The following CGGBP1 variants were observed in gnomAD, a reference collection of about 807,000 sequenced individuals.
CGGBP1 encodes the protein CGG triplet repeat-binding protein 1.
CGGBP1 carries 4 observed loss-of-function variants against 11.4 expected under a neutral mutation model. The observed-to-expected ratio is 0.35, with a 90% CI of 0.17 to 0.80. CGGBP1 has a LOEUF of 0.80. Ranked by LOEUF, CGGBP1 falls within the 30% of genes least tolerant of loss-of-function variation. CGGBP1 has a pLI of 0.52. For synonymous variants in CGGBP1, 76 were observed against 74.1 expected, an observed-to-expected ratio of 1.03 and a Z score of -0.13; for missense variants, 135 against 202.1, an observed-to-expected ratio of 0.67 and a Z score of 2.01.
intron 2 of CGGBP1, among the ~76,000 whole-genome samples, chr3:88,118,596 G>A (rs1190374535): frequency 1.3e-5 from 2 of 152,132 alleles, no homozygotes; most frequent in South Asian, 2.1e-4. Context: ...CTTCTCTAGA[G>A]TACTTGGAAT....
intron 2 of CGGBP1, among the ~76,000 whole-genome samples, chr3:88,098,053 G>A (rs1704172144): frequency 6.6e-6 from 1 of 152,096 alleles, no homozygotes; most frequent in African/African-American, 2.4e-5. Context: ...CTGGGTTTTT[G>A]AAACGATCAA....
intron 2 of CGGBP1, among the ~76,000 whole-genome samples, chr3:88,094,861 T>A (rs944687866): frequency 2.6e-4 from 39 of 152,026 alleles, no homozygotes; most frequent in Admixed American, 6.6e-4. Context: ...TACTGGCAGC[T>A]TTTACTGTGG....
intron 2 of CGGBP1, among the ~76,000 whole-genome samples, chr3:88,094,318 T>C (rs1703928324): frequency 6.6e-6 from 1 of 152,150 alleles, no homozygotes; most frequent in Non-Finnish European, 1.5e-5. Flanking sequence ...TAGCATCTTT[T>C]CCCCGGTAAT....
chr3:88,059,117 A>G, upstream of CGGBP1: 4 of 984,096 alleles, frequency 4.1e-6, no homozygotes, highest in Non-Finnish European at 5.8e-6. Flanking sequence ...GGCGGGCATG[A>G]ACATGATTGG....
chr3:88,130,638 T>G (rs1706401111), intron 2 of CGGBP1, among the ~76,000 whole-genome samples: 1 of 143,902 alleles, frequency 6.9e-6, no homozygotes, highest in African/African-American at 2.6e-5. Flanking sequence ...TTTTTTTTGG[T>G]AGAGATGGGG....
intron 2 of CGGBP1, among the ~76,000 whole-genome samples, chr3:88,116,559 T>TACACACACACACACACACACAC (rs140401038): frequency 3.1e-4 from 46 of 146,650 alleles, no homozygotes; most frequent in African/African-American, 1.1e-3. Flanking sequence ...CATACATATA[T>TACACACACACACACACACACAC]ATACACACAC....
intron 2 of CGGBP1, among the ~76,000 whole-genome samples, chr3:88,108,779 A>G (rs552414348): frequency 6.6e-6 from 1 of 152,272 alleles, no homozygotes. Flanking sequence ...TATATGCCAA[A>G]GAAAAGCTGT....
At position 88,112,442 on chromosome 3, in the gene CGGBP1, GTTCCT is replaced by G. The variant is rs1359251306; in HGVS notation, c.-229+28523_-229+28527del. The stretch of plus-strand genomic sequence containing the variant: ...TGCTCATGATTAGGAAATCATTCAT[GTTCCT>G]TTCTTTATGAATCATAAATTATTAA... On this transcript the variant is annotated intron_variant, in intron 2 of 3. Transcript: ENST00000462901. Among the ~76,000 whole-genome samples the G allele has an allele frequency of 4.6e-5, 7 of 151,894 alleles. No homozygotes were observed. The East Asian group carries it at 1.4e-3, about 29-fold the overall frequency.
intron 2 of CGGBP1, among the ~76,000 whole-genome samples, chr3:88,104,493 A>G (rs1405777777): frequency 2.0e-5 from 3 of 152,214 alleles, no homozygotes; most frequent in Non-Finnish European, 4.4e-5. Context: ...CAGGCAGCCT[A>G]TGGGCCATAT....
Position 88,055,293 on chromosome 3 carries a change from A to C in CGGBP1, c.*180T>G. 1.9e-6 allele frequency: 1 copy of C among 515,252 alleles called. No homozygotes were observed. Among genetic ancestry groups the C allele is most frequent in the African/African-American group, 1.9e-5 (1 of 51,286 alleles). The allele number at this position is 515,252 out of a possible 1,614,324, so 31.9% of individuals were successfully genotyped here. A position where few individuals can be genotyped will look rare whatever the true frequency, so the allele number is the denominator to read the frequency against. ...TTTTGCTTTATACCATTGGTGACTA[A>C]AATTAACAATAAGTTTTGCAGTGAG... is the stretch of plus-strand genomic sequence containing the variant. On this transcript the variant is annotated 3_prime_UTR_variant, in exon 4 of 4. Transcript: ENST00000482016. This position sits in a 1 kb window ranked among gnomAD's most constrained non-coding sequence, Gnocchi z 4.2.
rs1332830942 is a variant in CGGBP1, at chr3:88,055,323, T to G, written c.*150A>C. ...AACAATAAGTTTTGCAGTGAGGTGG[T>G]TTTTTTTTTGCCTGCAACTATATAC... On this transcript the variant is annotated 3_prime_UTR_variant, in exon 4 of 4. Transcript: ENST00000482016. The surrounding 1 kb of genome is among the most constrained non-coding windows in gnomAD (Gnocchi z 4.2). The G allele has an allele frequency of 7.9e-6, 4 of 504,476 alleles. No individual in the cohort carries two copies. The highest frequency in any genetic ancestry group is 8.1e-5 in the East Asian group (2 of 24,614). The allele number at this position is 504,476 out of a possible 1,614,324, so 31.2% of individuals were successfully genotyped here. A position where few individuals can be genotyped will look rare whatever the true frequency, so the allele number is the denominator to read the frequency against.
At chr3:88,111,789 G>C (rs562971102) in intron 2 of CGGBP1, among the ~76,000 whole-genome samples, 1 of 151,800 alleles carries the variant, frequency 6.6e-6, no homozygotes, top group Non-Finnish European at 1.5e-5. Flanking sequence ...CCTCCAACAA[G>C]ATTATCAGGT....
At chr3:88,110,437 T>G (rs1288227509) in intron 2 of CGGBP1, among the ~76,000 whole-genome samples, 1 of 152,146 alleles carries the variant, frequency 6.6e-6, no homozygotes, top group Non-Finnish European at 1.5e-5. Context: ...CCTTATATAT[T>G]GGCACTGATC....
upstream of CGGBP1, chr3:88,059,034 C>T (rs1706674651): frequency 1.6e-5 from 8 of 490,686 alleles, no homozygotes; most frequent in South Asian, 1.0e-4. Context: ...TCCCCAGCAA[C>T]CGCCGAGCAG....
At chr3:88,114,890 T>A (rs548138177) in intron 2 of CGGBP1, among the ~76,000 whole-genome samples, 11 of 152,324 alleles carry the variant, frequency 7.2e-5, no homozygotes, top group Middle Eastern at 3.4e-3. Context: ...CTGATAATAG[T>A]GACCAATAGT....
rs60771091 is a variant in CGGBP1, at chr3:88,102,838, T to TTTA, written c.-229+38131_-229+38132insTAA. Among the ~76,000 whole-genome samples the TTTA allele has an allele frequency of 3.4e-5, 5 of 146,908 alleles. No homozygotes were observed. In the South Asian group the frequency reaches 6.4e-4, roughly 19 times the overall value. On this transcript the variant is annotated intron_variant, in intron 2 of 3. Coordinates refer to the CGGBP1 transcript ENST00000462901. ...CTGTCTTTTTTTTTTTTTTTTTTTT[T>TTTA]AATAATTTCAACTTGTAGTTTAGAT...
chr3:88,104,387 C>G (rs780627160), intron 2 of CGGBP1, among the ~76,000 whole-genome samples: 3 of 152,172 alleles, frequency 2.0e-5, no homozygotes, highest in Non-Finnish European at 4.4e-5. Context: ...GTCTCTGTAA[C>G]TACTCAGCTT....
chr3:88,086,928 G>C (rs1410492677), intron 2 of CGGBP1, among the ~76,000 whole-genome samples: 2 of 151,748 alleles, frequency 1.3e-5, no homozygotes, highest in East Asian at 3.9e-4. Flanking sequence ...GACTACAGGC[G>C]CCCGCCACCA....
At chr3:88,119,507 A>G (rs1255071493) in intron 2 of CGGBP1, among the ~76,000 whole-genome samples, 1 of 151,166 alleles carries the variant, frequency 6.6e-6, no homozygotes, top group African/African-American at 2.4e-5. Flanking sequence ...TAACCTGCAC[A>G]ATGTGCACGT....
Sources: gnomAD v4.1 joint callset for allele counts (sites outside exome capture counted in the v4.1 genomes callset) on GRCh38, gnomAD v4.1.1 for gene constraint, Gnocchi (gnomAD v3.1) non-coding constraint, MANE v1.5 for transcripts, NCBI Gene and HGNC (gene_info 2026-07-23, HGNC 2026-07-21) for gene names.